RBM47: variants seen among roughly 807,000 people sequenced by gnomAD.
RBM47 encodes RNA-binding protein 47.
RBM47 carries 21 observed loss-of-function variants against 47.1 expected under a neutral mutation model. The observed-to-expected ratio is 0.45, with a 90% confidence interval of 0.32 to 0.64. The LOEUF (loss-of-function observed/expected upper bound fraction) is 0.64. RBM47 is among the 30% of genes least tolerant of loss of function. The pLI, the probability that RBM47 is intolerant of heterozygous loss-of-function variation, is 0.05. For synonymous variants in RBM47, 375 were observed against 361.7 expected (o/e 1.04, Z -0.42); for missense variants, 708 against 870.9 (o/e 0.81, Z 2.35).
intron 1 of RBM47, among the ~76,000 whole-genome samples, chr4:40,571,513 CAT>C (rs1268785674): frequency 6.6e-6 from 1 of 151,992 alleles, no homozygotes; most frequent in African/African-American, 2.4e-5. Flanking sequence ...TACAAGAAAA[CAT>C]AGGAGAATCT....
At chr4:40,626,289 C>G (rs1384036) in intron 1 of RBM47, among the ~76,000 whole-genome samples, 15,157 of 152,202 alleles carry the variant, frequency 0.1, 1,030 homozygotes, top group African/African-American at 0.2. Flanking sequence ...GAAAGGCAGA[C>G]AGTGGGAGTA....
chr4:40,432,706 G>A lies in RBM47; in HGVS notation c.1487C>T (p.Ala496Val), dbSNP rs1233241039. The A allele has an allele frequency of 6.3e-7, 1 of 1,590,944 alleles. No homozygotes were observed. Residue 496 changes from alanine to valine, a missense_variant, in exon 6 of 7, where the codon GCC becomes GTC. Coordinates refer to ENST00000295971, the MANE Select transcript of RBM47 (RefSeq NM_001098634.2). ...PASAAAAAAA[A>V]AAAAAAVIPT... ...AATGACAGCGGCTGCGGCGGCTGCG[G>A]CCGCGGCTGCGGCGGCAGCAGCACT...
chr4:40,498,265 A>G (rs1468472629), intron 2 of RBM47, among the ~76,000 whole-genome samples: 2 of 151,932 alleles, frequency 1.3e-5, no homozygotes, highest in Non-Finnish European at 2.9e-5. Flanking sequence ...TGCACACCCC[A>G]GAATACTGGT....
chr4:40,522,368 G>A (rs998698331), intron 2 of RBM47, among the ~76,000 whole-genome samples: 1 of 152,064 alleles, frequency 6.6e-6, no homozygotes, highest in African/African-American at 2.4e-5. Flanking sequence ...AGCCCGGCGT[G>A]GTGGCAGGCG....
At chr4:40,436,203 C>CAA (rs11452587) in intron 5 of RBM47, among the ~76,000 whole-genome samples, 28 of 140,266 alleles carry the variant, frequency 2.0e-4, no homozygotes, top group South Asian at 4.4e-4. Context: ...AACAAACAAA[C>CAA]AAAAAAAAAC....
At position 40,578,771 on chromosome 4, in the gene RBM47, GGGGTAACGCACACAAA is replaced by G. The variant is rs1428070373; in HGVS notation, c.-239-34281_-239-34266del. 5.3e-5 allele frequency among the ~76,000 whole-genome samples: 8 copies of G among 152,236 alleles called. 1 individual carries two copies. The stretch of plus-strand genomic sequence containing the variant: ...TAGCAGGGCCTGCTGTAAGGGCTAA[GGGGTAACGCACACAAA>G]GTGCTTGGCACAATGCTACACACAG... On this transcript the variant is annotated intron_variant, in intron 1 of 6. Coordinates refer to ENST00000295971, the MANE Select transcript of RBM47 (RefSeq NM_001098634.2).
At chr4:40,593,656 G>A (rs1443900683) in intron 1 of RBM47, among the ~76,000 whole-genome samples, 1 of 151,988 alleles carries the variant, frequency 6.6e-6, no homozygotes, top group East Asian at 1.9e-4. Flanking sequence ...TGAGGCGGGT[G>A]GATCACGAGG....
At chr4:40,602,090 C>T (rs1383927800) in intron 1 of RBM47, among the ~76,000 whole-genome samples, 1 of 151,996 alleles carries the variant, frequency 6.6e-6, no homozygotes, top group Non-Finnish European at 1.5e-5. Context: ...ATCGCTTGAG[C>T]CCGGGAGGTG....
intron 1 of RBM47, among the ~76,000 whole-genome samples, chr4:40,617,659 CTTTATA>C (rs1208345737): frequency 2.7e-5 from 4 of 150,548 alleles, no homozygotes; most frequent in South Asian, 2.1e-4. Context: ...TATACATGTA[CTTTATA>C]TTTATACTAA....
chr4:40,524,710 T>G (rs1726531318), intron 2 of RBM47, among the ~76,000 whole-genome samples: 1 of 152,220 alleles, frequency 6.6e-6, no homozygotes. Flanking sequence ...AGCCTTGACC[T>G]CCTGGGCTCA....
chr4:40,565,284 G>A (rs138871445), intron 1 of RBM47, among the ~76,000 whole-genome samples: 1 of 152,314 alleles, frequency 6.6e-6, no homozygotes, highest in African/African-American at 2.4e-5. Context: ...ACACAGCAGT[G>A]TGGTTAAGAG....
chr4:40,590,290 G>C (rs1734007707), intron 1 of RBM47, among the ~76,000 whole-genome samples: 1 of 152,084 alleles, frequency 6.6e-6, no homozygotes. Context: ...AGCGACTCCA[G>C]AGGATGACAC....
intron 5 of RBM47, 92 bp downstream of exon 5, chr4:40,436,349 T>C: frequency 8.0e-7 from 1 of 1,253,096 alleles, no homozygotes; most frequent in Non-Finnish European, 1.1e-6. Context: ...CCTGTGCAGA[T>C]GTGAGAGCCT....
chr4:40,517,619 G>T (rs1243161216), intron 2 of RBM47, among the ~76,000 whole-genome samples: 2 of 152,128 alleles, frequency 1.3e-5, no homozygotes, highest in Non-Finnish European at 2.9e-5. Flanking sequence ...CAGTGTCTGT[G>T]GGTTCCGCAT....
chr4:40,625,384 C>T (rs2154282247), intron 1 of RBM47, among the ~76,000 whole-genome samples: 1 of 152,304 alleles, frequency 6.6e-6, no homozygotes, highest in South Asian at 2.1e-4. Flanking sequence ...AGCCAGGTCT[C>T]AGTGCTCTGA....
At chr4:40,528,868 G>A (rs552952829) in intron 2 of RBM47, among the ~76,000 whole-genome samples, 2 of 151,968 alleles carry the variant, frequency 1.3e-5, no homozygotes, top group South Asian at 2.1e-4. Flanking sequence ...GCGTGAACCC[G>A]GGAGGCGGAG....
intron 1 of RBM47, among the ~76,000 whole-genome samples, chr4:40,595,380 G>C (rs1043088621): frequency 1.3e-5 from 2 of 152,094 alleles, no homozygotes; most frequent in Non-Finnish European, 1.5e-5. Context: ...TGTAATTCCA[G>C]CTACTCGGGA....
chr4:40,553,290 T>TTTTTA (rs143886861), intron 1 of RBM47, among the ~76,000 whole-genome samples: 14,818 of 149,890 alleles, frequency 0.099, 770 homozygotes, highest in East Asian at 0.13. Flanking sequence ...CATTATGTAT[T>TTTTTA]TTTTATTTTA....
chr4:40,527,435 AAT>A (rs1726845125), intron 2 of RBM47, among the ~76,000 whole-genome samples: 2 of 120,496 alleles, frequency 1.7e-5, no homozygotes, highest in Non-Finnish European at 3.2e-5. Context: ...CACACCTGGC[AAT>A]TTTTTTTTTT....
Sources: gnomAD v4.1 joint callset for allele counts (sites outside exome capture counted in the v4.1 genomes callset) on GRCh38, gnomAD v4.1.1 for gene constraint, MANE v1.5 for transcripts, NCBI Gene and HGNC (gene_info 2026-07-23, HGNC 2026-07-21) for gene names.